Variants in MEST observed in about 807,000 individuals in gnomAD.
MEST encodes the protein mesoderm-specific transcript homolog protein.
Under a neutral mutation model 50.9 loss-of-function variants are expected in MEST, and 18 were observed. The observed-to-expected ratio is 0.35, with a 90% confidence interval of 0.24 to 0.52. MEST has a LOEUF of 0.52. Among genes scored for constraint, MEST ranks in the 20% least tolerant of loss-of-function variants. MEST has a pLI of 0.94. For synonymous variants in MEST, 130 were observed against 154.1 expected, an observed-to-expected ratio of 0.84 and a Z score of 1.16; for missense variants, 282 against 425.3, an observed-to-expected ratio of 0.66 and a Z score of 2.96.
At position 130,500,604 on chromosome 7, in the gene MEST, C is replaced by A; in HGVS notation, c.647+72C>A. The A allele has an allele frequency of 6.9e-7, 1 of 1,457,920 alleles. No individual in the cohort carries two copies. Among genetic ancestry groups the A allele is most frequent in the Non-Finnish European group, 9.5e-7 (1 of 1,055,886 alleles). 90.3% of individuals were successfully genotyped at this position (1,457,920 alleles called of 1,614,324 possible). A position where few individuals can be genotyped will look rare whatever the true frequency, so the allele number is the denominator to read the frequency against. ...AGTTGCTGCCATTACAATTCTGGGC[C>A]AAATCCTAAGGCTTGATATTTTAAA... is the stretch of plus-strand genomic sequence containing the variant. On this transcript the variant is annotated intron_variant, in intron 8 of 11. Transcript: ENST00000223215. The surrounding 1 kb of genome is among the most constrained non-coding windows in gnomAD (Gnocchi z 5.0).
At position 130,497,306 on chromosome 7, in the gene MEST, T is replaced by A; in HGVS notation, c.261+71T>A. Reference sequence around the variant, plus strand: ...CGGCCGGGCGCGGGGGCTCAAATCCTAGCACTTTGGGAGGCTGAGGTGGGA... The same window carrying A: ...CGGCCGGGCGCGGGGGCTCAAATCCAAGCACTTTGGGAGGCTGAGGTGGGA... On this transcript the variant is annotated intron_variant, in intron 3 of 11. Coordinates refer to ENST00000223215, the MANE Select transcript of MEST (RefSeq NM_002402.4). This position sits in a 1 kb window ranked among gnomAD's most constrained non-coding sequence, Gnocchi z 4.0. 7.6e-7 allele frequency: 1 copy of A among 1,318,934 alleles called. No individual in the cohort carries two copies. The highest frequency in any genetic ancestry group is 1.1e-6 in the Non-Finnish European group (1 of 938,022). 81.7% of individuals were successfully genotyped at this position (1,318,934 alleles called of 1,614,324 possible).
Position 130,503,945 on chromosome 7 carries a change from A to C in MEST, c.839A>C (p.Tyr280Ser). Residue 280 changes from tyrosine (Y) to serine (S), a missense_variant, in exon 11 of 12, where the codon TAT becomes TCT. Transcript: ENST00000223215. ...ASVTIPIHFIYGPLDPVNPYP... is the reference protein window; with the variant it reads ...ASVTIPIHFISGPLDPVNPYP... ...TTCTCTTTTCTAGTTCATTTTATCT[A>C]TGGGCCATTGGATCCTGTAAATCCC... The C allele has an allele frequency of 6.2e-7, 1 of 1,612,890 alleles. No homozygotes were observed. Among genetic ancestry groups the C allele is most frequent in the Non-Finnish European group, 8.5e-7 (1 of 1,179,010 alleles).
chr7:130,492,200 CGGGCTGT>C lies in MEST; in HGVS notation c.-107_-101del. On this transcript the variant is annotated 5_prime_UTR_variant, in exon 1 of 12. Transcript: ENST00000223215. The surrounding 1 kb of genome is among the most constrained non-coding windows in gnomAD (Gnocchi z 7.6). ...CTGCCCGGCGCGGCGCCGCCCTGCG[CGGGCTGT>C]GGGCTGCGGGCTGCGCCCCCGCTGC... 2 of 910,250 alleles carry C rather than the reference CGGGCTGT, an allele frequency of 2.2e-6. No individual in the cohort carries two copies. The highest frequency in any genetic ancestry group is 2.8e-6 in the Non-Finnish European group (2 of 707,332). The allele number at this position is 910,250 out of a possible 1,614,324, so 56.4% of individuals were successfully genotyped here. A position where few individuals can be genotyped will look rare whatever the true frequency, so the allele number is the denominator to read the frequency against.
At chr7:130,498,631 G>A (rs1316373400) in intron 6 of MEST, 154 bp downstream of exon 6, 6 of 696,680 alleles carry the variant, frequency 8.6e-6, no homozygotes, top group Non-Finnish European at 1.5e-5. Context: ...TCCTTTGGTG[G>A]TCTGACAAGA....
In MEST at chr7:130,497,830, G is replaced by A; in HGVS notation, c.262-106G>A. 1 of 945,482 alleles carries A rather than the reference G, an allele frequency of 1.1e-6. No individual in the cohort carries two copies. Among genetic ancestry groups the A allele is most frequent in the South Asian group, 1.3e-5 (1 of 74,852 alleles). 58.6% of individuals were successfully genotyped at this position (945,482 alleles called of 1,614,324 possible). A position where few individuals can be genotyped will look rare whatever the true frequency, so the allele number is the denominator to read the frequency against. ...TAGTTTCATGGCGTTTTCTCTTTAT[G>A]GAAGTCTGTTAAGCCAAGATAGGGC... On this transcript the variant is annotated intron_variant, in intron 3 of 11. Transcript: ENST00000223215. The surrounding 1 kb of genome is among the most constrained non-coding windows in gnomAD (Gnocchi z 4.0).
In MEST at chr7:130,500,385, C is replaced by G. The variant is rs569457986; in HGVS notation, c.577-77C>G. ...AGGAGATTTGGCTAAAGATTTAGTT[C>G]CTAGTATAAAACCTTTTGCCCCGGT... is the stretch of plus-strand genomic sequence containing the variant. On this transcript the variant is annotated intron_variant, in intron 7 of 11. Transcript: ENST00000223215. This position sits in a 1 kb window ranked among gnomAD's most constrained non-coding sequence, Gnocchi z 5.0. 1.3e-5 allele frequency: 16 copies of G among 1,260,802 alleles called. No homozygotes were observed. The East Asian group carries it at 3.9e-4, about 31-fold the overall frequency. The allele number at this position is 1,260,802 out of a possible 1,614,324, so 78.1% of individuals were successfully genotyped here. A position where few individuals can be genotyped will look rare whatever the true frequency, so the allele number is the denominator to read the frequency against.
At position 130,506,042 on chromosome 7, in the gene MEST, G is replaced by A. The variant is rs1799466368; in HGVS notation, c.*986G>A. On this transcript the variant is annotated 3_prime_UTR_variant, in exon 12 of 12. Coordinates refer to ENST00000223215, the MANE Select transcript of MEST (RefSeq NM_002402.4). ...GCCTGTCCCAGAGAGGCTTTCCAAT[G>A]TAGCTCAGTAATTCCTGTTACTTTA... 6.6e-6 allele frequency: 1 copy of A among 152,592 alleles called. No individual in the cohort carries two copies. Among genetic ancestry groups the A allele is most frequent in the African/African-American group, 2.4e-5 (1 of 41,428 alleles). 9.5% of individuals were successfully genotyped at this position (152,592 alleles called of 1,614,324 possible). A position where few individuals can be genotyped will look rare whatever the true frequency, so the allele number is the denominator to read the frequency against.
At chr7:130,488,133 A>C (rs1465276951), upstream of MEST, 1 of 152,178 alleles carries the variant, frequency 6.6e-6, no homozygotes, top group Non-Finnish European at 1.5e-5. Flanking sequence ...GTTCCAGTTC[A>C]TCTTGGAGCC....
Position 130,499,651 on chromosome 7 carries a change from ATGG to A in MEST, c.536-221_536-219del, listed in dbSNP as rs1251538498. Among the ~76,000 whole-genome samples, 5 of 152,192 alleles carry A rather than the reference ATGG, an allele frequency of 3.3e-5. No homozygotes were observed. In the South Asian group the frequency reaches 6.2e-4, roughly 19 times the overall value. On this transcript the variant is annotated intron_variant, in intron 6 of 11. Transcript: ENST00000223215. Reference sequence around the variant, plus strand: ...TTTGGTAGTAAAGGCTGCAGAGGTGATGGTGAATAGGGTGGGTAGTTTCTGATA... The same window carrying A: ...TTTGGTAGTAAAGGCTGCAGAGGTGATGAATAGGGTGGGTAGTTTCTGATA...
rs782763861 is a variant in MEST at position 130,498,051 on chromosome 7, G to C, written c.339+38G>C. 2.5e-6 allele frequency: 4 copies of C among 1,613,994 alleles called. No individual in the cohort carries two copies. The South Asian group carries it at 4.4e-5, about 18-fold the overall frequency. ...TATGTGGGGCTGGTGATGGGGTGTGGGGGCAGACGCAGACTATGAGGGTCA... is the reference window on the plus strand; with the variant it reads ...TATGTGGGGCTGGTGATGGGGTGTGCGGGCAGACGCAGACTATGAGGGTCA... On this transcript the variant is annotated intron_variant, in intron 4 of 11. Coordinates refer to ENST00000223215, the MANE Select transcript of MEST (RefSeq NM_002402.4).
At chr7:130,494,187 G>A (rs1246184026) in intron 1 of MEST, among the ~76,000 whole-genome samples, 1 of 152,190 alleles carries the variant, frequency 6.6e-6, no homozygotes, top group Admixed American at 6.5e-5. Context: ...TGTAAGTTGA[G>A]GAAGTTAGCG....
intron 11 of MEST, 83 bp from the exon 12 acceptor site, chr7:130,504,856 G>A: frequency 4.1e-6 from 4 of 976,544 alleles, no homozygotes; most frequent in Middle Eastern, 2.1e-4. Flanking sequence ...GTGTCCACAG[G>A]GTCATTTACT....
Position 130,497,309 on chromosome 7 carries a change from C to A in MEST, c.261+74C>A. On this transcript the variant is annotated intron_variant, in intron 3 of 11. Transcript: ENST00000223215. This position sits in a 1 kb window ranked among gnomAD's most constrained non-coding sequence, Gnocchi z 4.0. ...CCGGGCGCGGGGGCTCAAATCCTAG[C>A]ACTTTGGGAGGCTGAGGTGGGAGGA... is the stretch of plus-strand genomic sequence containing the variant. The A allele has an allele frequency of 1.6e-6, 2 of 1,276,968 alleles. No homozygotes were observed. Among genetic ancestry groups the A allele is most frequent in the Non-Finnish European group, 2.2e-6 (2 of 902,328 alleles). The allele number at this position is 1,276,968 out of a possible 1,614,324, so 79.1% of individuals were successfully genotyped here.
Position 130,502,638 on chromosome 7 carries a change from C to T in MEST, c.750-6C>T, listed in dbSNP as rs1554438754. On this transcript the variant is annotated splice_region_variant and splice_polypyrimidine_tract_variant and intron_variant, in intron 9 of 11. Transcript: ENST00000223215. The stretch of plus-strand genomic sequence containing the variant: ...TTCTGCACATGCTGACTTACCTGTC[C>T]TACAGTCTCTTACAGTACATCAATC... 1 of 1,612,994 alleles carries T rather than the reference C, an allele frequency of 6.2e-7. No homozygotes were observed. Among genetic ancestry groups the T allele is most frequent in the Admixed American group, 1.7e-5 (1 of 60,000 alleles).
In MEST at chr7:130,499,913, A is replaced by C. The variant is rs1554438130; in HGVS notation, c.574A>C (p.Lys192Gln). Reference protein sequence around the residue: ...PETHRPLLLQKLLKDGGVLSP... With the variant: ...PETHRPLLLQQLLKDGGVLSP... ...GACTCACCGTCCACTCCTTCTCCAA[A>C]AGGTTGGTACTTCACTGATAGACCT... Residue 192 changes from lysine (K) to glutamine (Q), a missense_variant and splice_region_variant, in exon 7 of 12, where the codon AAG becomes CAG. Lys to Gln is a moderately conservative substitution (Grantham distance 53). Transcript: ENST00000223215. 1 of 1,612,408 alleles carries C rather than the reference A, an allele frequency of 6.2e-7. No individual in the cohort carries two copies. Among genetic ancestry groups the C allele is most frequent in the Admixed American group, 1.7e-5 (1 of 59,710 alleles).
At chr7:130,503,241 G>A (rs1799342924) in intron 10 of MEST, among the ~76,000 whole-genome samples, 1 of 152,186 alleles carries the variant, frequency 6.6e-6, no homozygotes, top group South Asian at 2.1e-4. Flanking sequence ...ATAGTGATTA[G>A]TGCTCAGGAA....
At chr7:130,496,219 C>T (rs541990240) in intron 2 of MEST, 1 of 450,534 alleles carries the variant, frequency 2.2e-6, no homozygotes, top group African/African-American at 2.1e-5. Context: ...AGTAAGTATA[C>T]AATTTTTATT....
intron 2 of MEST, chr7:130,496,531 T>C (rs1799068308): frequency 4.8e-6 from 1 of 208,630 alleles, no homozygotes; most frequent in Non-Finnish European, 9.4e-6. Flanking sequence ...TCTAAATGTT[T>C]ACCTAATTTA....
chr7:130,496,418 G>T (rs782738163), intron 2 of MEST: 1 of 310,042 alleles, frequency 3.2e-6, no homozygotes, highest in African/African-American at 2.3e-5. Flanking sequence ...ATTTTTAACT[G>T]CTTCTAAATT....
Sources: allele counts gnomAD v4.1 joint callset (sites outside exome capture counted in the v4.1 genomes callset), GRCh38; gene constraint gnomAD v4.1.1; non-coding constraint Gnocchi (gnomAD v3.1); transcripts MANE v1.5; gene names NCBI Gene and HGNC (gene_info 2026-07-23, HGNC 2026-07-21).